The following GABRG2 variants were observed in gnomAD, a reference collection of about 807,000 sequenced individuals.
GABRG2 encodes the protein gamma-aminobutyric acid receptor subunit gamma-2.
GABRG2 carries 16 observed loss-of-function variants against 56.4 expected under a neutral mutation model. The observed-to-expected ratio is 0.28, with a 90% CI of 0.19 to 0.43. GABRG2 has a LOEUF of 0.43. Among genes scored for constraint, GABRG2 ranks in the 20% least tolerant of loss-of-function variants. GABRG2 has a pLI of 1.00. For synonymous variants in GABRG2, 208 were observed against 205.5 expected (o/e 1.01, Z -0.10); for missense variants, 327 against 582.7 (o/e 0.56, Z 4.52).
At chr5:162,129,378 A>AC (rs1278371758) in intron 6 of GABRG2, 1 of 152,022 alleles carries the variant, frequency 6.6e-6, no homozygotes, top group African/African-American at 2.4e-5. Flanking sequence ...ATCTTTCTTA[A>AC]CGTGAAAAAG....
chr5:162,074,255 T>C (rs116155059), intron 1 of GABRG2, among the ~76,000 whole-genome samples: 2,642 of 152,122 alleles, frequency 0.017, 27 homozygotes, highest in Admixed American at 0.029. Context: ...TTCTATATTA[T>C]TATAAAAATC....
chr5:162,107,151 C>CA (rs1761897271), intron 6 of GABRG2, among the ~76,000 whole-genome samples: 1 of 152,026 alleles, frequency 6.6e-6, no homozygotes, highest in Admixed American at 6.6e-5. Context: ...TAGTGGCTTC[C>CA]AACTCCATCC....
At chr5:162,097,314 C>T (rs1208512225) in intron 3 of GABRG2, among the ~76,000 whole-genome samples, 1 of 152,238 alleles carries the variant, frequency 6.6e-6, no homozygotes, top group South Asian at 2.1e-4. Flanking sequence ...CCCGGGACAG[C>T]CCTCATGGCA....
chr5:162,068,105 G>T lies in GABRG2; in HGVS notation c.106G>T (p.Gly36Cys). The part of the protein sequence containing the change: ...WILLLLSLYP[G>C]FTSQKSDDDY... ...TCTGCTCCTGCTGTCGCTCTACCCT[G>T]GGTAAGATGTGCCCTTTTTGGCGTC... The change falls in exon 1 of 10, where the codon GGC becomes TGC. Residue 36 changes from glycine to cysteine, a missense_variant and splice_region_variant. Gly to Cys is a radical substitution (Grantham distance 159). This residue lies in a region of GABRG2 where 73 missense variants were observed against 72.2 expected (regional missense o/e 1.01). Coordinates refer to ENST00000639213, the MANE Select transcript of GABRG2 (RefSeq NM_198904.4). 1 of 1,610,814 alleles carries T rather than the reference G, an allele frequency of 6.2e-7. No individual in the cohort carries two copies. The highest frequency in any genetic ancestry group is 8.5e-7 in the Non-Finnish European group (1 of 1,177,402).
At chr5:162,128,502 A>G (rs1483080102) in intron 6 of GABRG2, 1 of 151,952 alleles carries the variant, frequency 6.6e-6, no homozygotes, top group African/African-American at 2.4e-5. Flanking sequence ...TTCTCCTGAC[A>G]TGTAGGAGGG....
At chr5:162,081,147 A>T (rs2113198347) in intron 1 of GABRG2, among the ~76,000 whole-genome samples, 1 of 152,216 alleles carries the variant, frequency 6.6e-6, no homozygotes, top group Non-Finnish European at 1.5e-5. Flanking sequence ...AGAGATTAAA[A>T]ATTGTATACA....
intron 1 of GABRG2, among the ~76,000 whole-genome samples, chr5:162,093,147 G>A (rs190329803): frequency 2.0e-5 from 3 of 152,220 alleles, no homozygotes; most frequent in East Asian, 3.9e-4. Flanking sequence ...TATGATTATA[G>A]CACATTAACT....
At chr5:162,079,576 T>C (rs1448206634) in intron 1 of GABRG2, among the ~76,000 whole-genome samples, 1 of 151,980 alleles carries the variant, frequency 6.6e-6, no homozygotes, top group Non-Finnish European at 1.5e-5. Context: ...ACATAATCCT[T>C]GCTCTTGTAA....
chr5:162,097,622 C>T lies in GABRG2; in HGVS notation c.328-16C>T. ...TACTGTGTACAAATTTTCTGTTTAT[C>T]ATTTTATTAAAACAGGAATACACTA... is the stretch of plus-strand genomic sequence containing the variant. On this transcript the variant is annotated splice_polypyrimidine_tract_variant and intron_variant, in intron 3 of 9. Transcript: ENST00000639213. The T allele has an allele frequency of 1.9e-6, 3 of 1,565,726 alleles. No homozygotes were observed. Among genetic ancestry groups the T allele is most frequent in the Non-Finnish European group, 2.6e-6 (3 of 1,136,946 alleles).
chr5:162,096,972 T>C (rs1275251311), intron 3 of GABRG2, among the ~76,000 whole-genome samples: 1 of 152,162 alleles, frequency 6.6e-6, no homozygotes, highest in East Asian at 1.9e-4. Context: ...GGGTTTGTTC[T>C]CTGCCAGGCA....
At chr5:162,143,064 A>G (rs1399454740) in intron 7 of GABRG2, among the ~76,000 whole-genome samples, 1 of 152,176 alleles carries the variant, frequency 6.6e-6, no homozygotes, top group Non-Finnish European at 1.5e-5. Context: ...AATATGCTGA[A>G]GCTGCTTGCA....
intron 6 of GABRG2, among the ~76,000 whole-genome samples, chr5:162,124,124 T>C (rs535574170): frequency 5.3e-4 from 81 of 151,768 alleles, no homozygotes; most frequent in African/African-American, 1.9e-3. Flanking sequence ...AGATTTCAAA[T>C]AGCTAAAGAG....
intron 6 of GABRG2, among the ~76,000 whole-genome samples, chr5:162,128,053 C>T (rs549755642): frequency 2.6e-5 from 4 of 152,074 alleles, no homozygotes; most frequent in Admixed American, 6.6e-5. Flanking sequence ...AAATGGAAAG[C>T]ATGTGATATA....
chr5:162,150,787 A>G, intron 8 of GABRG2: 1 of 152,256 alleles, frequency 6.6e-6, no homozygotes, highest in East Asian at 1.9e-4. Flanking sequence ...ACTTTGGAAC[A>G]TGGAAAGAAA....
intron 1 of GABRG2, among the ~76,000 whole-genome samples, chr5:162,081,649 A>G (rs1409850422): frequency 6.6e-6 from 1 of 152,024 alleles, no homozygotes; most frequent in Admixed American, 6.6e-5. Context: ...AAATAAGCAC[A>G]GGAAAAGAGG....
intron 6 of GABRG2, among the ~76,000 whole-genome samples, chr5:162,114,614 A>T (rs1168314612): frequency 2.6e-5 from 4 of 152,150 alleles, no homozygotes; most frequent in African/African-American, 9.7e-5. Flanking sequence ...CTAAAAAATG[A>T]ATGCTAAAAC....
At chr5:162,084,946 G>A (rs899734798) in intron 1 of GABRG2, among the ~76,000 whole-genome samples, 13 of 151,524 alleles carry the variant, frequency 8.6e-5, no homozygotes, top group Non-Finnish European at 1.5e-5. Flanking sequence ...TAGTGTATAA[G>A]TTCTACCATT....
intron 1 of GABRG2, among the ~76,000 whole-genome samples, chr5:162,085,614 A>G (rs1760028710): frequency 6.9e-6 from 1 of 144,866 alleles, no homozygotes; most frequent in Admixed American, 7.1e-5. Context: ...ATACAAATGC[A>G]GGTTTCTTAT....
chr5:162,108,204 T>C (rs1010644305), intron 6 of GABRG2, among the ~76,000 whole-genome samples: 11 of 152,154 alleles, frequency 7.2e-5, no homozygotes, highest in Non-Finnish European at 1.3e-4. Flanking sequence ...CTGACATTCA[T>C]ACTCTTAATC....
Sources: gnomAD v4.1 joint callset for allele counts (sites outside exome capture counted in the v4.1 genomes callset) on GRCh38, gnomAD v4.1.1 for gene constraint, gnomAD v4.1.1 regional missense constraint, MANE v1.5 for transcripts, NCBI Gene and HGNC (gene_info 2026-07-23, HGNC 2026-07-21) for gene names.